ZNF512: variants seen among roughly 807,000 people sequenced by gnomAD.
ZNF512 encodes the protein zinc finger protein 512.
ZNF512 carries 25 observed loss-of-function variants against 77.5 expected under a neutral mutation model. The observed-to-expected ratio is 0.32, with a 90% CI of 0.23 to 0.45. The LOEUF is 0.45. Among genes scored for constraint, ZNF512 ranks in the 20% least tolerant of loss-of-function variants. ZNF512 has a pLI of 1.00. For synonymous variants in ZNF512, 246 were observed against 239.9 expected, an observed-to-expected ratio of 1.03 and a Z score of -0.24; for missense variants, 483 against 692.6, an observed-to-expected ratio of 0.70 and a Z score of 3.40.
intron 2 of ZNF512, among the ~76,000 whole-genome samples, chr2:27,593,970 T>G (rs1671719220): frequency 1.3e-5 from 2 of 152,214 alleles, no homozygotes; most frequent in South Asian, 4.1e-4. Flanking sequence ...CTCTCTTTCT[T>G]TTCTCCACAT....
intron 10 of ZNF512, among the ~76,000 whole-genome samples, chr2:27,611,143 AAT>A (rs1672642775): frequency 1.3e-5 from 2 of 152,116 alleles, no homozygotes; most frequent in African/African-American, 2.4e-5. Context: ...ATTTTGAAAT[AAT>A]TTTAGACTAG....
chr2:27,584,552 A>G (rs1671248191), intron 2 of ZNF512, among the ~76,000 whole-genome samples: 1 of 152,240 alleles, frequency 6.6e-6, no homozygotes, highest in African/African-American at 2.4e-5. Context: ...ATAGGCAAGT[A>G]GGTCAACACA....
intron 2 of ZNF512, among the ~76,000 whole-genome samples, chr2:27,594,089 C>T (rs1572909283): frequency 6.6e-6 from 1 of 152,268 alleles, no homozygotes; most frequent in Non-Finnish European, 1.5e-5. Context: ...TGTCACTTCA[C>T]ACTTGGAAGA....
At chr2:27,610,466 A>ATATATG (rs1672568338) in intron 10 of ZNF512, among the ~76,000 whole-genome samples, 1 of 81,770 alleles carries the variant, frequency 1.2e-5, no homozygotes, top group African/African-American at 5.6e-5. Flanking sequence ...TAGGTTATAT[A>ATATATG]TGTGTATATG....
intron 13 of ZNF512, among the ~76,000 whole-genome samples, chr2:27,620,636 GTTCT>G (rs1673077109): frequency 6.6e-6 from 1 of 152,116 alleles, no homozygotes; most frequent in Admixed American, 6.5e-5. Flanking sequence ...TAAGATTGAA[GTTCT>G]TTCTTTTTTG....
Position 27,583,070 on chromosome 2 carries a change from G to C in ZNF512, c.-43G>C, listed in dbSNP as rs376008166. On this transcript the variant is annotated 5_prime_UTR_variant, in exon 1 of 14. Coordinates refer to ENST00000355467, the MANE Select transcript of ZNF512 (RefSeq NM_032434.4). ...GGAGAGCGGAAGTGGCGTTGGTCTG[G>C]CCGGAGCCCTTGGGTGAAATTGTTA... 4.3e-5 allele frequency: 70 copies of C among 1,613,690 alleles called. No homozygotes were observed. The highest frequency in any genetic ancestry group is 5.1e-5 in the Non-Finnish European group (60 of 1,179,724).
chr2:27,615,330 T>A, intron 11 of ZNF512, 61 bp downstream of exon 11: 1 of 1,109,756 alleles, frequency 9.0e-7, no homozygotes, highest in Non-Finnish European at 1.3e-6. Context: ...CTTGCTTCTG[T>A]TATTTATTCC....
chr2:27,594,592 T>A (rs966512586), intron 2 of ZNF512, among the ~76,000 whole-genome samples: 4 of 147,116 alleles, frequency 2.7e-5, no homozygotes, highest in African/African-American at 7.7e-5. Context: ...GCAGAGACGC[T>A]CCTCACTTCC....
At chr2:27,605,001 C>T (rs992778349) in intron 9 of ZNF512, among the ~76,000 whole-genome samples, 2 of 152,138 alleles carry the variant, frequency 1.3e-5, no homozygotes, top group Non-Finnish European at 2.9e-5. Flanking sequence ...TGTGATTCAT[C>T]CATGTGTTGC....
In ZNF512 at chr2:27,610,583, T is replaced by TATATACA. The variant is rs1485007296; in HGVS notation, c.1131+2544_1131+2545insATATACA. 1.8e-3 allele frequency among the ~76,000 whole-genome samples: 120 copies of TATATACA among 67,178 alleles called. 3 individuals are homozygous for TATATACA. The highest frequency in any genetic ancestry group is 2.7e-3 in the Non-Finnish European group (94 of 35,084). 44.1% of individuals were successfully genotyped at this position (67,178 alleles called of 152,430 possible). A position where few individuals can be genotyped will look rare whatever the true frequency, so the allele number is the denominator to read the frequency against. On this transcript the variant is annotated intron_variant, in intron 10 of 13. Coordinates refer to ENST00000355467, the MANE Select transcript of ZNF512 (RefSeq NM_032434.4). ...ATATATATATATTTTTTTTTTTTTT[T>TATATACA]TTTTTTTTTTTTTTTTTGAGACAGC...
At chr2:27,605,085 T>C (rs77252421) in intron 9 of ZNF512, among the ~76,000 whole-genome samples, 4,091 of 152,246 alleles carry the variant, frequency 0.027, 173 homozygotes, top group African/African-American at 0.094. Context: ...TTGTCGTTTA[T>C]CTGCTTACCA....
At chr2:27,597,333 C>A (rs1671914753) in intron 2 of ZNF512, among the ~76,000 whole-genome samples, 1 of 152,140 alleles carries the variant, frequency 6.6e-6, no homozygotes. Context: ...AGGTATTTAG[C>A]TGGAAAAGGG....
chr2:27,617,074 C>T (rs1361537488), intron 12 of ZNF512: 4 of 179,726 alleles, frequency 2.2e-5, no homozygotes, highest in Non-Finnish European at 3.6e-5. Context: ...GCACTTTTTG[C>T]GACAGTAGAT....
At chr2:27,595,408 T>G (rs1322702819) in intron 2 of ZNF512, among the ~76,000 whole-genome samples, 1 of 151,120 alleles carries the variant, frequency 6.6e-6, no homozygotes, top group Non-Finnish European at 1.5e-5. Flanking sequence ...CATTGCAGCC[T>G]CCGCCTCCCA....
In ZNF512 at chr2:27,601,291, C is replaced by A. The variant is rs561430223; in HGVS notation, c.583-65C>A. The A allele has an allele frequency of 3.4e-6, 4 of 1,180,542 alleles. No homozygotes were observed. In the South Asian group the frequency reaches 4.2e-5, roughly 13 times the overall value. The allele number at this position is 1,180,542 out of a possible 1,614,324, so 73.1% of individuals were successfully genotyped here. On this transcript the variant is annotated intron_variant, in intron 6 of 13. Coordinates refer to ENST00000355467, the MANE Select transcript of ZNF512 (RefSeq NM_032434.4). ...GAGACATAGATGAAAGCATTTGAGT[C>A]GGACTTCATGACATTCTGTTTCTCT...
intron 2 of ZNF512, among the ~76,000 whole-genome samples, chr2:27,593,795 T>C (rs999059277): frequency 2.0e-5 from 3 of 151,712 alleles, no homozygotes; most frequent in Admixed American, 6.6e-5. Context: ...TTTTTTTTTT[T>C]CCATTTAACC....
chr2:27,588,559 A>G (rs112031273), intron 2 of ZNF512, among the ~76,000 whole-genome samples: 3 of 152,106 alleles, frequency 2.0e-5, no homozygotes, highest in African/African-American at 7.2e-5. Flanking sequence ...ATCTTTGTCA[A>G]ACTTCACTTG....
chr2:27,610,374 A>T lies in ZNF512; in HGVS notation c.1131+2335A>T, dbSNP rs184716501. Among the ~76,000 whole-genome samples the T allele has an allele frequency of 7.8e-3, 1,150 of 147,800 alleles. 26 individuals are homozygous for T. The highest frequency in any genetic ancestry group is 0.021 in the African/African-American group (856 of 40,676). Reference sequence around the variant, plus strand: ...GCAAGACTCCGTATCAAAAAAAAAAAAAATAAATAAATAAATATTTGTTAA... The same window carrying T: ...GCAAGACTCCGTATCAAAAAAAAAATAAATAAATAAATAAATATTTGTTAA... On this transcript the variant is annotated intron_variant, in intron 10 of 13. Transcript: ENST00000355467.
chr2:27,599,697 T>C lies in ZNF512; in HGVS notation c.373+19T>C. ...CTTTATGGTAAGGCAGTAACTTTGC[T>C]ACTTCTTTTTCCTTGGGTGACTGAG... On this transcript the variant is annotated intron_variant, in intron 4 of 13. Coordinates refer to ENST00000355467, the MANE Select transcript of ZNF512 (RefSeq NM_032434.4). 6.2e-7 allele frequency: 1 copy of C among 1,602,218 alleles called. No homozygotes were observed. The highest frequency in any genetic ancestry group is 8.6e-7 in the Non-Finnish European group (1 of 1,169,554).
Sources: allele counts gnomAD v4.1 joint callset (sites outside exome capture counted in the v4.1 genomes callset), GRCh38; gene constraint gnomAD v4.1.1; transcripts MANE v1.5; gene names NCBI Gene and HGNC (gene_info 2026-07-23, HGNC 2026-07-21).